Variants in SLC25A17 observed in about 807,000 individuals in gnomAD.
SLC25A17 encodes the protein peroxisomal membrane protein PMP34.
Under a neutral mutation model 38.5 loss-of-function variants are expected in SLC25A17, and 26 were observed. The ratio of observed to expected loss-of-function variants is 0.68; its 90% confidence interval spans 0.50 to 0.94. SLC25A17 has a LOEUF of 0.94. Ranked by LOEUF, SLC25A17 falls within the 40% of genes least tolerant of loss-of-function variation. The pLI is 0.00. For synonymous variants in SLC25A17, 139 were observed against 136.2 expected (o/e 1.02, Z -0.14); for missense variants, 333 against 372.7 (o/e 0.89, Z 0.88).
At chr22:40,786,283 C>G (rs1187934398) in intron 4 of SLC25A17, among the ~76,000 whole-genome samples, 1 of 151,576 alleles carries the variant, frequency 6.6e-6, no homozygotes, top group African/African-American at 2.4e-5. Flanking sequence ...TGCACTCCAG[C>G]CTGGGTGACA....
At chr22:40,808,810 T>C (rs2057552209) in intron 1 of SLC25A17, among the ~76,000 whole-genome samples, 1 of 152,210 alleles carries the variant, frequency 6.6e-6, no homozygotes, top group Non-Finnish European at 1.5e-5. Context: ...TCTAGGAGGT[T>C]TTGTAGGATT....
chr22:40,786,438 G>A (rs754898342), intron 4 of SLC25A17, among the ~76,000 whole-genome samples: 15 of 152,144 alleles, frequency 9.9e-5, no homozygotes, highest in African/African-American at 1.4e-4. Flanking sequence ...AGTGGATCCA[G>A]GACCCCCTTG....
chr22:40,811,087 C>T (rs1408257870), intron 1 of SLC25A17, among the ~76,000 whole-genome samples: 1 of 152,006 alleles, frequency 6.6e-6, no homozygotes, highest in Non-Finnish European at 1.5e-5. Context: ...TGAGCCACCA[C>T]ACCCAGCTAA....
rs1602639831 is a variant in SLC25A17 at position 40,819,333 on chromosome 22, G to C, written c.-85C>G. On this transcript the variant is annotated 5_prime_UTR_variant, in exon 1 of 9. Coordinates refer to ENST00000435456, the MANE Select transcript of SLC25A17 (RefSeq NM_006358.4). ...TTAGGAAAGGAGCACCGGAGCTCAG[G>C]GTGTGAGAGTCGCAATCCCCGCCCT... 1.4e-6 allele frequency: 2 copies of C among 1,445,260 alleles called. No individual in the cohort carries two copies. The highest frequency in any genetic ancestry group is 5.4e-5 in the East Asian group (2 of 37,234). 89.5% of individuals were successfully genotyped at this position (1,445,260 alleles called of 1,614,324 possible).
intron 4 of SLC25A17, among the ~76,000 whole-genome samples, chr22:40,791,134 G>T (rs925326674): frequency 6.6e-6 from 1 of 152,184 alleles, no homozygotes; most frequent in African/African-American, 2.4e-5. Flanking sequence ...TGGGGAAATG[G>T]CTATGGATAT....
At chr22:40,813,362 A>C (rs1031078743) in intron 1 of SLC25A17, among the ~76,000 whole-genome samples, 5 of 152,008 alleles carry the variant, frequency 3.3e-5, no homozygotes, top group Admixed American at 6.6e-5. Context: ...ACACGGTGAG[A>C]CCTCATCTCT....
intron 1 of SLC25A17, among the ~76,000 whole-genome samples, chr22:40,816,173 G>C (rs1368570429): frequency 6.6e-6 from 1 of 150,448 alleles, no homozygotes; most frequent in Non-Finnish European, 1.5e-5. Flanking sequence ...ACTCCAGCCT[G>C]GGCAACAAGA....
chr22:40,774,062 T>C, intron 7 of SLC25A17, 43 bp from the exon 8 acceptor site: 1 of 1,224,094 alleles, frequency 8.2e-7, no homozygotes, highest in Non-Finnish European at 1.2e-6. Context: ...GTTGCTGTTT[T>C]TTAAAATCTT....
rs10527651 is a variant in SLC25A17 at position 40,814,754 on chromosome 22, A to AATAT, written c.54+4437_54+4440dup. 4.7e-3 allele frequency among the ~76,000 whole-genome samples: 636 copies of AATAT among 135,106 alleles called. 7 individuals carry two copies. Among genetic ancestry groups the AATAT allele is most frequent in the East Asian group, 0.013 (51 of 3,908 alleles). 88.6% of individuals were successfully genotyped at this position (135,106 alleles called of 152,430 possible). A position where few individuals can be genotyped will look rare whatever the true frequency, so the allele number is the denominator to read the frequency against. ...GGATGAGGAAAGGCAGTACGTGCAGAATATATATATATATATATATATATA... is the reference window on the plus strand; with the variant it reads ...GGATGAGGAAAGGCAGTACGTGCAGAATATATATATATATATATATATATATATA... On this transcript the variant is annotated intron_variant, in intron 1 of 8. Coordinates refer to ENST00000435456, the MANE Select transcript of SLC25A17 (RefSeq NM_006358.4).
At chr22:40,793,255 G>C (rs79978523) in intron 3 of SLC25A17, among the ~76,000 whole-genome samples, 269 of 152,326 alleles carry the variant, frequency 1.8e-3, no homozygotes, top group African/African-American at 6.3e-3. Context: ...GCTTATAGCA[G>C]AATGCCAACA....
chr22:40,818,568 T>C (rs2145720036), intron 1 of SLC25A17, among the ~76,000 whole-genome samples: 1 of 151,848 alleles, frequency 6.6e-6, no homozygotes, highest in African/African-American at 2.4e-5. Context: ...TAGCCGGGTG[T>C]GGTGGCTCAC....
chr22:40,778,366 C>T (rs2057264716), intron 5 of SLC25A17, among the ~76,000 whole-genome samples: 1 of 152,036 alleles, frequency 6.6e-6, no homozygotes, highest in Non-Finnish European at 1.5e-5. Flanking sequence ...GTGTTTATAC[C>T]ATTGGGTGTG....
intron 4 of SLC25A17, chr22:40,779,581 A>G (rs2057277378): frequency 4.5e-6 from 1 of 223,192 alleles, no homozygotes; most frequent in Non-Finnish European, 8.9e-6. Context: ...GAGTATGGAT[A>G]TGGTACAATG....
intron 1 of SLC25A17, among the ~76,000 whole-genome samples, chr22:40,809,503 A>G (rs1055825619): frequency 2.6e-5 from 4 of 151,826 alleles, no homozygotes; most frequent in African/African-American, 9.7e-5. Context: ...GTGGTGGTGC[A>G]CGCCTGTAAT....
At chr22:40,810,982 A>G (rs2057575510) in intron 1 of SLC25A17, among the ~76,000 whole-genome samples, 1 of 151,974 alleles carries the variant, frequency 6.6e-6, no homozygotes, top group Admixed American at 6.6e-5. Context: ...GCTGGAGTGC[A>G]GTGGCACAAT....
At chr22:40,780,969 A>G (rs1215627817) in intron 4 of SLC25A17, among the ~76,000 whole-genome samples, 1 of 152,016 alleles carries the variant, frequency 6.6e-6, no homozygotes, top group African/African-American at 2.4e-5. Context: ...TAGGAGTTCA[A>G]TAGCAGCCTG....
chr22:40,770,727 G>GT lies in SLC25A17; in HGVS notation c.*106dup. The GT allele has an allele frequency of 8.1e-7, 1 of 1,230,154 alleles. No homozygotes were observed. The allele number at this position is 1,230,154 out of a possible 1,614,324, so 76.2% of individuals were successfully genotyped here. A position where few individuals can be genotyped will look rare whatever the true frequency, so the allele number is the denominator to read the frequency against. On this transcript the variant is annotated 3_prime_UTR_variant, in exon 9 of 9. Transcript: ENST00000435456. ...TTGGATGCTTTTCAAGCCAATGAGGGTAACATTTGTGGTGGCAGGAGCCAG... is the reference window on the plus strand; with the variant it reads ...TTGGATGCTTTTCAAGCCAATGAGGGTTAACATTTGTGGTGGCAGGAGCCAG...
At chr22:40,795,169 C>T (rs2057417677) in intron 2 of SLC25A17, among the ~76,000 whole-genome samples, 1 of 152,206 alleles carries the variant, frequency 6.6e-6, no homozygotes, top group Admixed American at 6.5e-5. Context: ...CTAAATGATG[C>T]CCCTGTGTGA....
rs566384358 is a variant in SLC25A17 at position 40,775,753 on chromosome 22, G to C, written c.693+1287C>G. 7.9e-5 allele frequency among the ~76,000 whole-genome samples: 12 copies of C among 152,212 alleles called. No homozygotes were observed. The East Asian group carries it at 1.9e-3, about 24-fold the overall frequency. ...GCTGGGATTACAGGCGTGAGCCACC[G>C]CGCCCAACCGATCTGATGGTTTTAT... On this transcript the variant is annotated intron_variant, in intron 7 of 8. Coordinates refer to ENST00000435456, the MANE Select transcript of SLC25A17 (RefSeq NM_006358.4).
Sources: allele counts gnomAD v4.1 joint callset (sites outside exome capture counted in the v4.1 genomes callset), GRCh38; gene constraint gnomAD v4.1.1; transcripts MANE v1.5; gene names NCBI Gene and HGNC (gene_info 2026-07-23, HGNC 2026-07-21).